Variants in ZNF883 observed in about 807,000 individuals in gnomAD.
The protein encoded by ZNF883 is zinc finger protein 883.
At chr9:112,997,391 A>G (rs767156732) in exon 1 of ZNF883, 1 of 1,613,920 alleles carries the variant, frequency 6.2e-7, no homozygotes, top group Non-Finnish European at 8.5e-7. Flanking sequence ...ATAGGGTTTC[A>G]CACAAGAATG....
At chr9:112,992,162 G>A (rs1027890903), downstream of ZNF883, among the ~76,000 whole-genome samples, 1 of 152,222 alleles carries the variant, frequency 6.6e-6, no homozygotes, top group African/African-American at 2.4e-5. Flanking sequence ...TGTTGATGTA[G>A]TTGTTTCATA....
chr9:112,990,771 CTTA>C (rs1828294698), intron 1 of ZNF883, among the ~76,000 whole-genome samples: 1 of 151,604 alleles, frequency 6.6e-6, no homozygotes, highest in Admixed American at 6.6e-5. Context: ...TTGTTGGTAG[CTTA>C]TTATTGCCTA....
intron 2 of ZNF883, among the ~76,000 whole-genome samples, chr9:113,007,794 A>T (rs1474016419): frequency 6.6e-6 from 1 of 152,212 alleles, no homozygotes; most frequent in Non-Finnish European, 1.5e-5. Context: ...TCAAGCCAAC[A>T]GTAATGAACT....
chr9:113,004,543 A>G (rs1828457700), intron 2 of ZNF883, among the ~76,000 whole-genome samples: 1 of 152,068 alleles, frequency 6.6e-6, no homozygotes, highest in African/African-American at 2.4e-5. Context: ...AGGAAACATG[A>G]GAGAAATGAT....
downstream of ZNF883, chr9:112,997,023 A>G (rs1828365114): frequency 8.2e-7 from 1 of 1,223,674 alleles, no homozygotes. Context: ...TGTTTTGCCT[A>G]AGATTTTCCT....
At chr9:112,997,573 T>C in exon 1 of ZNF883, 1 of 1,613,820 alleles carries the variant, frequency 6.2e-7, no homozygotes, top group South Asian at 1.1e-5. Context: ...CAGTATGAAT[T>C]CTTTGATGTT....
chr9:113,003,406 T>C (rs919970662), intron 2 of ZNF883, among the ~76,000 whole-genome samples: 6 of 152,198 alleles, frequency 3.9e-5, no homozygotes, highest in Non-Finnish European at 8.8e-5. Flanking sequence ...GTCTTGGCTA[T>C]GTTTTTATTA....
downstream of ZNF883, among the ~76,000 whole-genome samples, chr9:112,993,067 G>A (rs1381313741): frequency 1.3e-5 from 2 of 152,176 alleles, no homozygotes; most frequent in East Asian, 3.8e-4. Context: ...GCCTACTTCT[G>A]TCAATTCATC....
At chr9:113,005,605 A>G (rs1828467334) in intron 2 of ZNF883, among the ~76,000 whole-genome samples, 1 of 152,182 alleles carries the variant, frequency 6.6e-6, no homozygotes, top group South Asian at 2.1e-4. Context: ...TCACATTACA[A>G]CCAGACCAGG....
downstream of ZNF883, among the ~76,000 whole-genome samples, chr9:112,994,121 C>G (rs1367065336): frequency 6.6e-6 from 1 of 151,702 alleles, no homozygotes; most frequent in Admixed American, 6.6e-5. Flanking sequence ...CACCAAGGCC[C>G]TGGTGTGTGG....
chr9:113,002,309 A>C (rs1016206211), upstream of ZNF883, among the ~76,000 whole-genome samples: 1 of 152,228 alleles, frequency 6.6e-6, no homozygotes, highest in East Asian at 1.9e-4. Flanking sequence ...TAAAACAATA[A>C]TGGTGATTTA....
At chr9:113,011,704 C>T (rs1007813072) in intron 1 of ZNF883, among the ~76,000 whole-genome samples, 3 of 152,126 alleles carry the variant, frequency 2.0e-5, no homozygotes, top group African/African-American at 4.8e-5. Flanking sequence ...TGTCGGGAAA[C>T]CTAAATTCTA....
At chr9:112,988,368 G>C (rs1235316850) in intron 1 of ZNF883, among the ~76,000 whole-genome samples, 1 of 151,992 alleles carries the variant, frequency 6.6e-6, no homozygotes, top group Non-Finnish European at 1.5e-5. Context: ...TCATTGTTCA[G>C]CTCCCACTTA....
intron 1 of ZNF883, among the ~76,000 whole-genome samples, chr9:113,011,908 G>A (rs1828542632): frequency 6.6e-6 from 1 of 152,140 alleles, no homozygotes; most frequent in African/African-American, 2.4e-5. Context: ...TTAAGGCTGG[G>A]ATGAGCAGAC....
upstream of ZNF883, among the ~76,000 whole-genome samples, chr9:112,999,339 C>T (rs1828398980): frequency 6.6e-6 from 1 of 152,158 alleles, no homozygotes; most frequent in Admixed American, 6.5e-5. Flanking sequence ...GCCTATTCTT[C>T]TCTATAACTC....
chr9:112,998,107 G>C, exon 1 of ZNF883: 1 of 1,613,792 alleles, frequency 6.2e-7, no homozygotes, highest in South Asian at 1.1e-5. Flanking sequence ...TACTGTTCCG[G>C]GTAAAGGACT....
downstream of ZNF883, among the ~76,000 whole-genome samples, chr9:112,992,611 A>G (rs1432624579): frequency 6.6e-6 from 1 of 152,132 alleles, no homozygotes; most frequent in Non-Finnish European, 1.5e-5. Context: ...CTTCCTGAAT[A>G]AGAACGTTGG....
At chr9:112,997,360 T>A in exon 1 of ZNF883, 1 of 1,614,014 alleles carries the variant, frequency 6.2e-7, no homozygotes, top group Non-Finnish European at 8.5e-7. Context: ...AGCAAAACAG[T>A]TTCTGACATT....
intron 2 of ZNF883, among the ~76,000 whole-genome samples, chr9:113,004,812 A>G (rs1459541438): frequency 2.0e-5 from 3 of 150,736 alleles, no homozygotes; most frequent in Non-Finnish European, 4.4e-5. Context: ...AGATATCCAA[A>G]CATATTCTAT....
Sources: allele counts gnomAD v4.1 joint callset (sites outside exome capture counted in the v4.1 genomes callset), GRCh38; gene constraint gnomAD v4.1.1; transcripts MANE v1.5; gene names NCBI Gene and HGNC (gene_info 2026-07-23, HGNC 2026-07-21).